The following SDK1 variants were observed in gnomAD, a reference collection of about 807,000 sequenced individuals.
The protein encoded by SDK1 is protein sidekick-1.
In SDK1, 157 loss-of-function variants were observed where a neutral mutation model predicts 245.5. That is an observed-to-expected ratio of 0.64 (90% CI 0.56 to 0.73). The LOEUF is 0.73. Among genes scored for constraint, SDK1 ranks in the 30% least tolerant of loss-of-function variants. SDK1 has a pLI of 0.00. For missense variants in SDK1, 3,583 were observed against 3,002.3 expected (o/e 1.19, Z -4.52); for synonymous variants, 1,647 against 1,278.5 (o/e 1.29, Z -6.15).
intron 1 of SDK1, among the ~76,000 whole-genome samples, chr7:3,450,804 A>G (rs1780491181): frequency 6.6e-6 from 1 of 152,210 alleles, no homozygotes; most frequent in Non-Finnish European, 1.5e-5. Flanking sequence ...GAATAATTGC[A>G]TGAAGAGAGA....
At chr7:3,538,947 C>T (rs1187603671) in intron 1 of SDK1, among the ~76,000 whole-genome samples, 2 of 152,214 alleles carry the variant, frequency 1.3e-5, no homozygotes, top group Non-Finnish European at 2.9e-5. Flanking sequence ...TGCTGGATTC[C>T]TTTTCTTGTT....
intron 1 of SDK1, among the ~76,000 whole-genome samples, chr7:3,581,512 T>C (rs951327095): frequency 2.0e-5 from 3 of 152,076 alleles, no homozygotes; most frequent in African/African-American, 7.2e-5. Context: ...GTGGGCCAGG[T>C]TGTGGGGAAA....
intron 22 of SDK1, among the ~76,000 whole-genome samples, chr7:4,110,051 A>T (rs1225125928): frequency 6.6e-6 from 1 of 152,060 alleles, no homozygotes; most frequent in Non-Finnish European, 1.5e-5. Flanking sequence ...TTCCCTCGTC[A>T]ACACTGCCAG....
At chr7:3,790,672 G>A (rs990291268) in intron 4 of SDK1, among the ~76,000 whole-genome samples, 8 of 152,150 alleles carry the variant, frequency 5.3e-5, no homozygotes, top group African/African-American at 1.7e-4. Flanking sequence ...TGGGCATGGT[G>A]ACGCATGCCT....
intron 25 of SDK1, among the ~76,000 whole-genome samples, chr7:4,116,824 C>T (rs1251523646): frequency 6.6e-6 from 1 of 152,184 alleles, no homozygotes; most frequent in East Asian, 1.9e-4. Flanking sequence ...GAAGAGCAGC[C>T]GTGGTGACAA....
intron 7 of SDK1, among the ~76,000 whole-genome samples, chr7:3,954,502 C>G (rs1234057772): frequency 3.2e-4 from 4 of 12,330 alleles, no homozygotes; most frequent in South Asian, 3.1e-3. Context: ...TCCCCTCCTG[C>G]TTCTCCTCTA....
chr7:3,884,912 G>A (rs1781300673), intron 5 of SDK1, among the ~76,000 whole-genome samples: 1 of 152,176 alleles, frequency 6.6e-6, no homozygotes, highest in Admixed American at 6.5e-5. Context: ...TAGGGGAGGT[G>A]GAAGCTTATC....
chr7:4,233,885 A>G (rs1315077079), intron 41 of SDK1, among the ~76,000 whole-genome samples: 1 of 152,164 alleles, frequency 6.6e-6, no homozygotes, highest in Non-Finnish European at 1.5e-5. Flanking sequence ...GTGCACCGGC[A>G]ATTCCTAATG....
At chr7:3,662,345 G>A (rs10951273) in intron 4 of SDK1, among the ~76,000 whole-genome samples, 33,702 of 152,064 alleles carry the variant, frequency 0.22, 4,552 homozygotes, top group Non-Finnish European at 0.3. Context: ...AAAAGATGGA[G>A]CATGAGCATT....
At chr7:3,676,945 G>A (rs1783921314) in intron 4 of SDK1, among the ~76,000 whole-genome samples, 1 of 152,094 alleles carries the variant, frequency 6.6e-6, no homozygotes, top group South Asian at 2.1e-4. Flanking sequence ...GTAATGTGAT[G>A]CTTCAACTTT....
rs143265319 is a variant in SDK1, at chr7:3,437,818, T to C, written c.298+135934T>C. Among the ~76,000 whole-genome samples, 127 of 152,318 alleles carry C rather than the reference T, an allele frequency of 8.3e-4. No individual in the cohort carries two copies. In the Middle Eastern group the frequency reaches 0.01, roughly 12 times the overall value. ...ATACCAAAAAATTATTCAGATACCTTAGTGGAAGCTTTGGCTGAATAGAAG... is the reference window on the plus strand; with the variant it reads ...ATACCAAAAAATTATTCAGATACCTCAGTGGAAGCTTTGGCTGAATAGAAG... On this transcript the variant is annotated intron_variant, in intron 1 of 44. Transcript: ENST00000404826.
At chr7:3,576,034 A>G (rs971457169) in intron 1 of SDK1, among the ~76,000 whole-genome samples, 1 of 152,086 alleles carries the variant, frequency 6.6e-6, no homozygotes, top group Non-Finnish European at 1.5e-5. Context: ...AAAGGTAAAG[A>G]AACAAGAAAA....
intron 1 of SDK1, among the ~76,000 whole-genome samples, chr7:3,575,688 G>C (rs1780264333): frequency 6.6e-6 from 1 of 151,874 alleles, no homozygotes; most frequent in Non-Finnish European, 1.5e-5. Context: ...GAGAAGGTTT[G>C]GGGGATCAAC....
In SDK1 at chr7:3,971,529, T is replaced by C; in HGVS notation, c.1778T>C (p.Leu593Pro). The change falls in exon 12 of 45, where the codon CTG becomes CCG. Residue 593 changes from leucine to proline, a missense_variant. By Grantham distance (98) the Leu-to-Pro change is moderately conservative. Coordinates refer to ENST00000404826, the MANE Select transcript of SDK1 (RefSeq NM_152744.4). ...GTGATTAAGGGGACCACGGCCACGC[T>C]GCACTGTGGTGCCACACATGACCCC... is the stretch of plus-strand genomic sequence containing the variant. Reference protein sequence around the residue: ...HVVIKGTTATLHCGATHDPRV... With the variant: ...HVVIKGTTATPHCGATHDPRV... 1 of 1,613,696 alleles carries C rather than the reference T, an allele frequency of 6.2e-7. No homozygotes were observed. Among genetic ancestry groups the C allele is most frequent in the Non-Finnish European group, 8.5e-7 (1 of 1,179,812 alleles).
At chr7:3,437,768 C>A (rs962166259) in intron 1 of SDK1, among the ~76,000 whole-genome samples, 1 of 152,048 alleles carries the variant, frequency 6.6e-6, no homozygotes, top group Non-Finnish European at 1.5e-5. Flanking sequence ...ATTAATAATA[C>A]TAAAAAAATT....
At chr7:3,973,828 A>C (rs142261919) in intron 12 of SDK1, among the ~76,000 whole-genome samples, 1 of 152,244 alleles carries the variant, frequency 6.6e-6, no homozygotes, top group East Asian at 1.9e-4. Flanking sequence ...ATTATGACCA[A>C]GATTTCTGGT....
intron 1 of SDK1, among the ~76,000 whole-genome samples, chr7:3,461,300 C>T (rs1187316241): frequency 1.3e-5 from 2 of 152,182 alleles, no homozygotes; most frequent in Admixed American, 1.3e-4. Context: ...CTGTGAGCGA[C>T]ATGGTCTGTT....
chr7:3,994,350 A>G (rs1426468324), intron 14 of SDK1, among the ~76,000 whole-genome samples: 2 of 152,202 alleles, frequency 1.3e-5, no homozygotes, highest in African/African-American at 2.4e-5. Context: ...CAAGTTAGAG[A>G]TAATGTCCAG....
chr7:3,445,130 AT>A (rs1315629183), intron 1 of SDK1, among the ~76,000 whole-genome samples: 1 of 152,208 alleles, frequency 6.6e-6, no homozygotes, highest in Non-Finnish European at 1.5e-5. Flanking sequence ...GAAAAGGCAG[AT>A]TTATATTAAA....
Sources: gnomAD v4.1 joint callset for allele counts (sites outside exome capture counted in the v4.1 genomes callset) on GRCh38, gnomAD v4.1.1 for gene constraint, MANE v1.5 for transcripts, NCBI Gene and HGNC (gene_info 2026-07-23, HGNC 2026-07-21) for gene names.